The following SNX29 variants were observed in gnomAD, a reference collection of about 807,000 sequenced individuals.
SNX29 encodes the protein sorting nexin-29.
A neutral mutation model predicts 102.1 loss-of-function variants in SNX29; 78 were observed. The observed-to-expected ratio is 0.76, with a 90% CI of 0.64 to 0.92. SNX29 has a LOEUF of 0.92. Ranked by LOEUF, SNX29 falls within the 40% of genes least tolerant of loss-of-function variation. SNX29 has a pLI of 0.00. For missense variants in SNX29, 1,280 were observed against 1,061.7 expected (o/e 1.21, Z -2.86); for synonymous variants, 580 against 414.5 (o/e 1.40, Z -4.85).
chr16:12,073,595 G>A (rs886615377), intron 10 of SNX29, among the ~76,000 whole-genome samples: 14 of 152,104 alleles, frequency 9.2e-5, no homozygotes, highest in African/African-American at 3.1e-4. Context: ...CAACTATGTG[G>A]TCAATTTTGG....
intron 20 of SNX29, among the ~76,000 whole-genome samples, chr16:12,551,463 G>T (rs1010236765): frequency 2.6e-5 from 4 of 152,244 alleles, no homozygotes; most frequent in South Asian, 2.1e-4. Context: ...AAATACAGAG[G>T]CCAGGCCCTG....
chr16:12,379,773 C>T (rs1485313000), intron 16 of SNX29, among the ~76,000 whole-genome samples: 1 of 152,096 alleles, frequency 6.6e-6, no homozygotes, highest in Non-Finnish European at 1.5e-5. Context: ...AGCAACAGGT[C>T]AGGGCTCTAA....
At chr16:12,130,401 G>T (rs2054409830) in intron 13 of SNX29, among the ~76,000 whole-genome samples, 2 of 149,406 alleles carry the variant, frequency 1.3e-5, no homozygotes, top group African/African-American at 5.0e-5. Flanking sequence ...CGTGAACCTG[G>T]GAGGTGGAGC....
At chr16:12,242,564 C>CTCTTTTCTTCT (rs1307069071) in intron 14 of SNX29, among the ~76,000 whole-genome samples, 141 of 145,492 alleles carry the variant, frequency 9.7e-4, no homozygotes, top group South Asian at 3.9e-3. Context: ...ATTTGGCCGG[C>CTCTTTTCTTCT]TCTTTTCTTC....
intron 18 of SNX29, among the ~76,000 whole-genome samples, chr16:12,423,811 A>G (rs904905641): frequency 3.9e-5 from 6 of 152,168 alleles, no homozygotes; most frequent in Non-Finnish European, 5.9e-5. Flanking sequence ...ACCTGAAGTG[A>G]TCCACCAGCC....
chr16:12,402,606 G>A (rs1052471840), intron 17 of SNX29, among the ~76,000 whole-genome samples: 1 of 152,186 alleles, frequency 6.6e-6, no homozygotes, highest in Non-Finnish European at 1.5e-5. Context: ...AGTGACTTAC[G>A]AGTTAAGTTT....
At chr16:12,558,877 A>G (rs2078541768) in intron 20 of SNX29, among the ~76,000 whole-genome samples, 1 of 152,198 alleles carries the variant, frequency 6.6e-6, no homozygotes, top group Admixed American at 6.5e-5. Flanking sequence ...TTTGCAGAAA[A>G]TGTGCCTGAG....
intron 6 of SNX29, among the ~76,000 whole-genome samples, chr16:12,047,179 T>C (rs1474604704): frequency 1.3e-5 from 2 of 152,176 alleles, no homozygotes; most frequent in African/African-American, 2.4e-5. Context: ...GAGAGAATCA[T>C]GTGAGATCAG....
rs759830278 is a variant in SNX29, at chr16:12,096,711, T to C, written c.1402+17796T>C. On this transcript the variant is annotated intron_variant, in intron 11 of 20. Transcript: ENST00000566228. This position sits in a 1 kb window ranked among gnomAD's most constrained non-coding sequence, Gnocchi z 4.2. ...GTGGCACTGAACAACCGCCACTCGA[T>C]CCACCCATGGGAACGAGTTCCCCGT... Among the ~76,000 whole-genome samples, 4 of 152,214 alleles carry C rather than the reference T, an allele frequency of 2.6e-5. No homozygotes were observed. Among genetic ancestry groups the C allele is most frequent in the African/African-American group, 4.8e-5 (2 of 41,452 alleles).
chr16:12,564,781 C>T (rs1323767404), intron 20 of SNX29, among the ~76,000 whole-genome samples: 1 of 151,654 alleles, frequency 6.6e-6, no homozygotes, highest in Admixed American at 6.6e-5. Flanking sequence ...ATGATTGCAG[C>T]CAGCTAAGAA....
intron 19 of SNX29, among the ~76,000 whole-genome samples, chr16:12,493,424 G>A (rs1206304300): frequency 6.6e-6 from 1 of 152,214 alleles, no homozygotes; most frequent in Admixed American, 6.5e-5. Context: ...ATCAGCTTAA[G>A]GAGATTTTGG....
chr16:12,399,353 A>G (rs984058144), intron 17 of SNX29, among the ~76,000 whole-genome samples: 2 of 152,072 alleles, frequency 1.3e-5, no homozygotes, highest in African/African-American at 4.8e-5. Context: ...TGCCCAGCCG[A>G]TTTTTGTTCA....
chr16:12,496,621 C>G (rs1365682325), intron 19 of SNX29, among the ~76,000 whole-genome samples: 1 of 150,502 alleles, frequency 6.6e-6, no homozygotes, highest in African/African-American at 2.5e-5. Flanking sequence ...AACAGTTCTC[C>G]TGCGTCAGCC....
At chr16:12,533,044 G>A (rs2076974204) in intron 20 of SNX29, among the ~76,000 whole-genome samples, 1 of 152,082 alleles carries the variant, frequency 6.6e-6, no homozygotes, top group East Asian at 1.9e-4. Context: ...TCAAGGGCAG[G>A]AAGGGGAAAC....
At chr16:12,040,233 G>T (rs2049822289) in intron 4 of SNX29, among the ~76,000 whole-genome samples, 1 of 152,076 alleles carries the variant, frequency 6.6e-6, no homozygotes, top group Non-Finnish European at 1.5e-5. Flanking sequence ...TAAAAAGTTA[G>T]CTGGGCATGG....
intron 14 of SNX29, among the ~76,000 whole-genome samples, chr16:12,218,559 G>A (rs750279028): frequency 2.1e-4 from 32 of 152,110 alleles, no homozygotes; most frequent in Non-Finnish European, 3.8e-4. Context: ...TTACCATCTG[G>A]CCCGCTGAAG....
chr16:12,050,085 C>G (rs1342899453), intron 7 of SNX29, among the ~76,000 whole-genome samples: 1 of 152,148 alleles, frequency 6.6e-6, no homozygotes, highest in African/African-American at 2.4e-5. Context: ...CAGCAGAGAC[C>G]CTGCACGAAC....
chr16:12,489,770 C>T lies in SNX29; in HGVS notation c.2178+11911C>T, dbSNP rs13339512. Among the ~76,000 whole-genome samples the T allele has an allele frequency of 7.8e-3, 1,195 of 152,284 alleles. 23 individuals carry two copies. The highest frequency in any genetic ancestry group is 0.027 in the African/African-American group (1,142 of 41,554). ...CTTTCTTTCATTCTCTCTTCTTCCT[C>T]CCCCGTTCACTTCTCTACTTCTTGT... On this transcript the variant is annotated intron_variant, in intron 19 of 20. Transcript: ENST00000566228.
At chr16:12,175,206 C>T (rs905316592) in intron 13 of SNX29, among the ~76,000 whole-genome samples, 1 of 152,192 alleles carries the variant, frequency 6.6e-6, no homozygotes, top group East Asian at 1.9e-4. Context: ...AATTTGGCCC[C>T]TGGCCAGAAG....
Sources: allele counts gnomAD v4.1 joint callset (sites outside exome capture counted in the v4.1 genomes callset), GRCh38; gene constraint gnomAD v4.1.1; non-coding constraint Gnocchi (gnomAD v3.1); transcripts MANE v1.5; gene names NCBI Gene and HGNC (gene_info 2026-07-23, HGNC 2026-07-21).